The following ZNF763 variants were observed in gnomAD, a reference collection of about 807,000 sequenced individuals.
The protein encoded by ZNF763 is zinc finger protein 763, also known as DNA-binding protein.
Under a neutral mutation model 38.0 loss-of-function variants are expected in ZNF763, and 33 were observed. The ratio of observed to expected loss-of-function variants is 0.87; its 90% CI spans 0.66 to 1.16. ZNF763 has a LOEUF of 1.16. ZNF763 is among the 50% of genes most tolerant of loss of function. The probability of loss-of-function intolerance (pLI) is 0.00; values close to 1 mark genes in which losing one functional copy is unlikely to be tolerated. For missense variants in ZNF763, 423 were observed against 469.1 expected, an observed-to-expected ratio of 0.90 and a Z score of 0.91; for synonymous variants, 155 against 160.1, an observed-to-expected ratio of 0.97 and a Z score of 0.24.
chr19:11,975,624 C>G (rs528980080), intron 1 of ZNF763, among the ~76,000 whole-genome samples: 8 of 150,566 alleles, frequency 5.3e-5, no homozygotes, highest in Non-Finnish European at 1.2e-4. Context: ...CCTCGTGATC[C>G]GCCCGCCTCG....
At chr19:11,966,299 C>G (rs1462589437) in intron 1 of ZNF763, among the ~76,000 whole-genome samples, 1 of 152,132 alleles carries the variant, frequency 6.6e-6, no homozygotes, top group Admixed American at 6.6e-5. Flanking sequence ...TACAGAGGCA[C>G]TCAATTTTCA....
Position 11,979,202 on chromosome 19 carries a change from C to T in ZNF763, c.*93C>T. ...GGAGAGAAACCCTATAAATGCATGCCATGTGGTAAAGCCTTCAATCTTTCC... is the reference window on the plus strand; with the variant it reads ...GGAGAGAAACCCTATAAATGCATGCTATGTGGTAAAGCCTTCAATCTTTCC... On this transcript the variant is annotated 3_prime_UTR_variant, in exon 4 of 4. Transcript: ENST00000358987. The T allele has an allele frequency of 1.6e-5, 26 of 1,605,940 alleles. No individual in the cohort carries two copies. The highest frequency in any genetic ancestry group is 2.2e-5 in the Non-Finnish European group (26 of 1,177,294).
In ZNF763 at chr19:11,974,712, C is replaced by T. The variant is rs193185689; in HGVS notation, c.4-2326C>T. ...CCACCTCCCAGATTCAAACAATTCTCCCACCTCAGCCTCCCAGGTAACTGG... is the reference window on the plus strand; with the variant it reads ...CCACCTCCCAGATTCAAACAATTCTTCCACCTCAGCCTCCCAGGTAACTGG... On this transcript the variant is annotated intron_variant, in intron 1 of 3. Transcript: ENST00000358987. Among the ~76,000 whole-genome samples, 5 of 152,180 alleles carry T rather than the reference C, an allele frequency of 3.3e-5. No individual in the cohort carries two copies. In the East Asian group the frequency reaches 9.7e-4, roughly 30 times the overall value.
At chr19:11,977,206 C>T (rs2145343935) in intron 2 of ZNF763, 42 bp downstream of exon 2, 1 of 1,611,382 alleles carries the variant, frequency 6.2e-7, no homozygotes, top group South Asian at 1.1e-5. Flanking sequence ...ATTAGTGAAC[C>T]AGTGTTTCTA....
intron 1 of ZNF763, among the ~76,000 whole-genome samples, chr19:11,969,830 T>A (rs1259427139): frequency 2.6e-5 from 4 of 152,218 alleles, no homozygotes; most frequent in African/African-American, 9.6e-5. Context: ...TTATCTTTCC[T>A]AGACACAGAC....
intron 3 of ZNF763, among the ~76,000 whole-genome samples, 173 bp from the exon 4 acceptor site, chr19:11,977,942 AC>A (rs145010519): frequency 0.08 from 12,124 of 152,224 alleles, 874 homozygotes; most frequent in African/African-American, 0.19. Flanking sequence ...ATTTTTTTAA[AC>A]AATAGGTATG....
chr19:11,965,878 G>A (rs939460765), intron 1 of ZNF763, among the ~76,000 whole-genome samples: 8 of 152,192 alleles, frequency 5.3e-5, no homozygotes, highest in African/African-American at 1.9e-4. Context: ...TCAGTGCCTG[G>A]AAGGTGTAAG....
chr19:11,970,497 T>C (rs1330094984), intron 1 of ZNF763, among the ~76,000 whole-genome samples: 1 of 152,244 alleles, frequency 6.6e-6, no homozygotes, highest in African/African-American at 2.4e-5. Flanking sequence ...CAGGTAACTC[T>C]AGAATTAATT....
Position 11,977,377 on chromosome 19 carries a change from A to C in ZNF763, c.137A>C (p.Lys46Thr). The change falls in exon 3 of 4, where the codon AAG becomes ACG. Residue 46 changes from lysine to threonine, a missense_variant. Physicochemically the swap from Lys to Thr is moderately conservative, Grantham distance 78 (BLOSUM62 -1). Coordinates refer to ENST00000358987, the MANE Select transcript of ZNF763 (RefSeq NM_001367172.2). ...TFRNLTSIGK[K>T]WKDQNIEYEY... ...TTCTGTGTCTGTATTTTAGGGAAAA[A>C]GTGGAAAGACCAGAACATTGAATAT... 2.5e-6 allele frequency: 4 copies of C among 1,613,834 alleles called. No individual in the cohort carries two copies. The highest frequency in any genetic ancestry group is 3.4e-6 in the Non-Finnish European group (4 of 1,179,882).
In ZNF763 at chr19:11,978,465, T is replaced by C; in HGVS notation, c.541T>C (p.Phe181Leu). The C allele has an allele frequency of 6.2e-7, 1 of 1,614,206 alleles. No individual in the cohort carries two copies. Among genetic ancestry groups the C allele is most frequent in the Non-Finnish European group, 8.5e-7 (1 of 1,180,030 alleles). ...TGCTTGTAAAGAATGTGGAAAAACC[T>C]TTATTTCCCATTCAGGCATTCGAAG... The part of the protein sequence containing the change: ...PYACKECGKT[F>L]ISHSGIRRRM... Residue 181 changes from phenylalanine to leucine, a missense_variant, in exon 4 of 4, where the codon TTT becomes CTT. Phe to Leu is a conservative substitution (Grantham distance 22, BLOSUM62 0). Coordinates refer to ENST00000358987, the MANE Select transcript of ZNF763 (RefSeq NM_001367172.2).
chr19:11,965,449 T>C (rs954488824), intron 1 of ZNF763, among the ~76,000 whole-genome samples: 2 of 152,168 alleles, frequency 1.3e-5, no homozygotes, highest in Admixed American at 1.3e-4. Flanking sequence ...CCCGGAGCCC[T>C]CTCTGGGCAG....
chr19:11,977,966 T>C (rs769740538), intron 3 of ZNF763, 150 bp from the exon 4 acceptor site: 130 of 934,478 alleles, frequency 1.4e-4, no homozygotes, highest in Non-Finnish European at 2.0e-4. Flanking sequence ...TATGTCACCT[T>C]GTAGAACATG....
intron 1 of ZNF763, among the ~76,000 whole-genome samples, chr19:11,971,830 A>G (rs1176313591): frequency 2.0e-5 from 3 of 152,152 alleles, no homozygotes; most frequent in Non-Finnish European, 4.4e-5. Context: ...TTGGGAGGCC[A>G]ATGTGGATGG....
chr19:11,969,036 C>T (rs1973296351), intron 1 of ZNF763, among the ~76,000 whole-genome samples: 1 of 152,168 alleles, frequency 6.6e-6, no homozygotes, highest in African/African-American at 2.4e-5. Flanking sequence ...GACTCAACCC[C>T]ATGATCACAT....
At chr19:11,965,529 G>C (rs1038368196) in intron 1 of ZNF763, among the ~76,000 whole-genome samples, 3 of 152,264 alleles carry the variant, frequency 2.0e-5, no homozygotes, top group African/African-American at 7.2e-5. Flanking sequence ...GGGAAATCCT[G>C]ACTCGTGTGT....
chr19:11,966,064 C>A (rs1227258777), intron 1 of ZNF763, among the ~76,000 whole-genome samples: 1 of 152,016 alleles, frequency 6.6e-6, no homozygotes, highest in Admixed American at 6.6e-5. Flanking sequence ...CCATCCCAGC[C>A]AAAAAACAGA....
Position 11,978,901 on chromosome 19 carries a change from C to A in ZNF763, c.977C>A (p.Ser326Tyr). ...KCNKAFRSYR[S>Y]YLRHKRSHTG... The stretch of plus-strand genomic sequence containing the variant: ...AATAAAGCATTCCGTAGTTACAGAT[C>A]CTATCTTAGACATAAAAGGAGTCAC... The change falls in exon 4 of 4, where the codon TCC becomes TAC. Residue 326 changes from serine to tyrosine, a missense_variant. Ser to Tyr is a moderately radical substitution (Grantham distance 144). Transcript: ENST00000358987. 1 of 1,614,018 alleles carries A rather than the reference C, an allele frequency of 6.2e-7. No homozygotes were observed. Among genetic ancestry groups the A allele is most frequent in the Non-Finnish European group, 8.5e-7 (1 of 1,179,996 alleles).
chr19:11,969,311 G>A (rs776238404), intron 1 of ZNF763, among the ~76,000 whole-genome samples: 46 of 152,106 alleles, frequency 3.0e-4, no homozygotes, highest in Non-Finnish European at 5.9e-4. Flanking sequence ...TATCACGTTC[G>A]CCAGGCTGGT....
At position 11,966,973 on chromosome 19, in the gene ZNF763, G is replaced by A. The variant is rs568148444; in HGVS notation, c.3+1762G>A. ...AGAGGTCCTCATCAGACCCCAAGAG[G>A]GTTCTTGGATCTCACACAGGAAGGA... On this transcript the variant is annotated intron_variant, in intron 1 of 3. Coordinates refer to ENST00000358987, the MANE Select transcript of ZNF763 (RefSeq NM_001367172.2). Among the ~76,000 whole-genome samples the A allele has an allele frequency of 5.3e-5, 8 of 152,234 alleles. No individual in the cohort carries two copies. The South Asian group carries it at 1.2e-3, about 24-fold the overall frequency.
Sources: gnomAD v4.1 joint callset for allele counts (sites outside exome capture counted in the v4.1 genomes callset) on GRCh38, gnomAD v4.1.1 for gene constraint, MANE v1.5 for transcripts, NCBI Gene and HGNC (gene_info 2026-07-23, HGNC 2026-07-21) for gene names.